Variants in FBXW7 observed in about 807,000 individuals in gnomAD.
The protein encoded by FBXW7 is F-box/WD repeat-containing protein 7.
A neutral mutation model predicts 86.3 loss-of-function variants in FBXW7; 11 were observed. The ratio of observed to expected loss-of-function variants is 0.13; its 90% CI spans 0.08 to 0.21. The LOEUF is 0.21. Among genes scored for constraint, FBXW7 ranks in the 10% least tolerant of loss-of-function variants. FBXW7 has a pLI of 1.00. For missense variants in FBXW7, 488 were observed against 847.4 expected (o/e 0.58, Z 5.27); for synonymous variants, 313 against 297.9 (o/e 1.05, Z -0.52).
At chr4:152,499,420 G>A (rs887127463) in intron 2 of FBXW7, among the ~76,000 whole-genome samples, 4 of 152,152 alleles carry the variant, frequency 2.6e-5, no homozygotes, top group Non-Finnish European at 4.4e-5. Flanking sequence ...ATCCAACATT[G>A]AGAGGCTATT....
chr4:152,505,388 G>GT (rs750333524), intron 2 of FBXW7, among the ~76,000 whole-genome samples: 88 of 151,970 alleles, frequency 5.8e-4, no homozygotes, highest in Non-Finnish European at 7.7e-4. Flanking sequence ...TTACTATAAC[G>GT]TTTTTACTTT....
chr4:152,394,144 C>T (rs908456527), intron 4 of FBXW7, among the ~76,000 whole-genome samples: 4 of 152,084 alleles, frequency 2.6e-5, no homozygotes, highest in Non-Finnish European at 5.9e-5. Flanking sequence ...TTGTTCCATT[C>T]ATAGTGATTG....
At chr4:152,386,200 A>G (rs1471087879) in intron 4 of FBXW7, among the ~76,000 whole-genome samples, 2 of 152,078 alleles carry the variant, frequency 1.3e-5, no homozygotes, top group Non-Finnish European at 1.5e-5. Context: ...TTAAAAACAG[A>G]CAAGCTCTTT....
intron 7 of FBXW7, among the ~76,000 whole-genome samples, chr4:152,333,310 G>T (rs1729748237): frequency 6.6e-6 from 1 of 152,000 alleles, no homozygotes; most frequent in African/African-American, 2.4e-5. Context: ...ATTGAGTTCT[G>T]ATTACCTTAT....
At chr4:152,361,542 C>G (rs1732941868) in intron 4 of FBXW7, among the ~76,000 whole-genome samples, 1 of 152,112 alleles carries the variant, frequency 6.6e-6, no homozygotes, top group Admixed American at 6.5e-5. Flanking sequence ...AACTGTAAGA[C>G]TGATAGTTAG....
intron 2 of FBXW7, among the ~76,000 whole-genome samples, chr4:152,523,198 A>C (rs1298189759): frequency 1.3e-5 from 2 of 152,188 alleles, no homozygotes; most frequent in Non-Finnish European, 2.9e-5. Flanking sequence ...TTGAGGTCTC[A>C]CAACATCCCT....
chr4:152,524,843 A>G (rs1320670965), intron 2 of FBXW7, among the ~76,000 whole-genome samples: 2 of 152,228 alleles, frequency 1.3e-5, no homozygotes, highest in African/African-American at 2.4e-5. Flanking sequence ...ATCCACCTGC[A>G]TAACACTCAG....
At chr4:152,434,117 G>A (rs1490418128) in intron 2 of FBXW7, among the ~76,000 whole-genome samples, 1 of 152,166 alleles carries the variant, frequency 6.6e-6, no homozygotes, top group Non-Finnish European at 1.5e-5. Flanking sequence ...TGCAGGACTA[G>A]TATACCTAGA....
intron 4 of FBXW7, chr4:152,353,092 A>G: frequency 9.6e-6 from 7 of 725,570 alleles, no homozygotes; most frequent in Non-Finnish European, 1.2e-5. Flanking sequence ...AGAGTTTTAA[A>G]TAGCAAGGAA....
intron 2 of FBXW7, among the ~76,000 whole-genome samples, chr4:152,495,457 T>A (rs71620205): frequency 6.6e-5 from 10 of 151,702 alleles, no homozygotes; most frequent in African/African-American, 1.9e-4. Flanking sequence ...AAAAAAAAAA[T>A]TATTTTAAAT....
At chr4:152,495,506 T>C (rs1483428749) in intron 2 of FBXW7, among the ~76,000 whole-genome samples, 2 of 152,170 alleles carry the variant, frequency 1.3e-5, no homozygotes, top group Admixed American at 1.3e-4. Context: ...TCTTTAAGTG[T>C]GTGCCAGTAA....
chr4:152,334,997 A>G (rs905326545), intron 7 of FBXW7, among the ~76,000 whole-genome samples: 3 of 152,238 alleles, frequency 2.0e-5, no homozygotes, highest in African/African-American at 7.2e-5. Context: ...CAACAAGGTT[A>G]TGTCTTACAA....
Position 152,411,787 on chromosome 4 carries a change from A to G in FBXW7, c.17T>C (p.Leu6Pro), listed in dbSNP as rs139074724. The change falls in exon 4 of 14, where the codon CTC becomes CCC. Residue 6 changes from leucine to proline, a missense_variant. Leu to Pro is a moderately conservative substitution (Grantham distance 98). Coordinates refer to ENST00000281708, the MANE Select transcript of FBXW7 (RefSeq NM_001349798.2). The part of the protein sequence containing the change: MNQEL[L>P]SVGSKRRRTG... ...TCGTCGTCTTTTGCTGCCCACAGAG[A>G]GCAGTTCCTGATTCATTTCCAAAAG... The G allele has an allele frequency of 3.8e-5, 61 of 1,610,752 alleles. No homozygotes were observed. Among genetic ancestry groups the G allele is most frequent in the Non-Finnish European group, 5.2e-5 (61 of 1,178,324 alleles).
chr4:152,325,058 A>G (rs1728889542), intron 12 of FBXW7: 3 of 152,210 alleles, frequency 2.0e-5, no homozygotes, highest in Non-Finnish European at 4.4e-5. Context: ...TCATTTCTAA[A>G]CAATAATGTG....
Position 152,495,158 on chromosome 4 carries a change from T to C in FBXW7, c.-120+39783A>G, listed in dbSNP as rs560258518. Among the ~76,000 whole-genome samples, 5 of 152,254 alleles carry C rather than the reference T, an allele frequency of 3.3e-5. No homozygotes were observed. In the East Asian group the frequency reaches 9.6e-4, roughly 29 times the overall value. ...ATCAAAATAATTCTTTTAGGCTGGG[T>C]GTGGTGACTCACGTCTGTAATCCTA... On this transcript the variant is annotated intron_variant, in intron 2 of 13. Transcript: ENST00000281708.
chr4:152,450,505 T>C (rs149229699), intron 2 of FBXW7, among the ~76,000 whole-genome samples: 183 of 152,348 alleles, frequency 1.2e-3, no homozygotes, highest in East Asian at 0.012. Flanking sequence ...CACTTTCAGA[T>C]GCATGCCAGC....
At chr4:152,436,425 A>G (rs935602037) in intron 2 of FBXW7, among the ~76,000 whole-genome samples, 1 of 152,268 alleles carries the variant, frequency 6.6e-6, no homozygotes, top group Admixed American at 6.5e-5. Flanking sequence ...TTAAAAAAAG[A>G]AGCTGTCTTG....
intron 11 of FBXW7, 40 bp from the exon 12 acceptor site, chr4:152,326,271 A>G (rs2126498841): frequency 6.5e-7 from 1 of 1,530,104 alleles, no homozygotes; most frequent in South Asian, 1.2e-5. Flanking sequence ...AAAACAAAAA[A>G]ACCCACGTTT....
At chr4:152,496,008 C>G (rs1170644804) in intron 2 of FBXW7, among the ~76,000 whole-genome samples, 2 of 152,112 alleles carry the variant, frequency 1.3e-5, no homozygotes, top group Admixed American at 6.5e-5. Context: ...AAGACCTCAT[C>G]TCTACAAATA....
Sources: allele counts gnomAD v4.1 joint callset (sites outside exome capture counted in the v4.1 genomes callset), GRCh38; gene constraint gnomAD v4.1.1; transcripts MANE v1.5; gene names NCBI Gene and HGNC (gene_info 2026-07-23, HGNC 2026-07-21).